The following C4orf51 variants were observed in gnomAD, a reference collection of about 807,000 sequenced individuals.
C4orf51 encodes the protein chromosome 4 open reading frame 51, also known as uncharacterized protein C4orf51.
In C4orf51, 25 loss-of-function variants were observed where a neutral mutation model predicts 25.2. The observed-to-expected ratio is 0.99, with a 90% CI of 0.72 to 1.39. C4orf51 has a LOEUF of 1.39. C4orf51 is among the 40% of genes most tolerant of loss of function. C4orf51 has a pLI of 0.00. For missense variants in C4orf51, 252 were observed against 239.6 expected (o/e 1.05, Z -0.34); for synonymous variants, 100 against 84.5 (o/e 1.18, Z -1.01).
In C4orf51 at chr4:145,683,014, T is replaced by TA. The variant is rs1560815653; in HGVS notation, c.233+2578_233+2579insA. On this transcript the variant is annotated intron_variant, in intron 1 of 5. Coordinates refer to ENST00000438731, the MANE Select transcript of C4orf51 (RefSeq NM_001080531.3). ...AAGAATCAGCAAAAATAAAAAAATT[T>TA]TAAAAAAAAATCCCGGAACTAATAA... 4.5e-3 allele frequency among the ~76,000 whole-genome samples: 687 copies of TA among 151,370 alleles called. 5 individuals carry two copies. The highest frequency in any genetic ancestry group is 0.015 in the African/African-American group (632 of 41,208).
chr4:145,752,989 C>T (rs1168523266), intron 1 of C4orf51, among the ~76,000 whole-genome samples: 4 of 152,132 alleles, frequency 2.6e-5, no homozygotes, highest in Non-Finnish European at 2.9e-5. Context: ...ACAGATCCTG[C>T]GTGCCACGTG....
chr4:145,762,320 C>T lies in C4orf51; in HGVS notation n.167-8668C>T, dbSNP rs1734647126. Among the ~76,000 whole-genome samples, 1 of 152,146 alleles carries T rather than the reference C, an allele frequency of 6.6e-6. No homozygotes were observed. ...GAAGGAAGCCCACCCAACGGCCCAT[C>T]TGCTAATGAGGAAGGGAGGAGGGAG... On this transcript the variant is annotated intron_variant and non_coding_transcript_variant, in intron 1 of 1. Transcript: ENST00000510096. The surrounding 1 kb of genome is among the most constrained non-coding windows in gnomAD (Gnocchi z 4.9).
intron 2 of C4orf51, among the ~76,000 whole-genome samples, chr4:145,703,491 C>T (rs1020490758): frequency 2.0e-5 from 3 of 152,204 alleles, no homozygotes; most frequent in Admixed American, 6.5e-5. Context: ...TCTCTTCACA[C>T]GGACGCGCAT....
At chr4:145,691,736 C>T (rs776180715) in intron 1 of C4orf51, among the ~76,000 whole-genome samples, 1 of 152,020 alleles carries the variant, frequency 6.6e-6, no homozygotes, top group African/African-American at 2.4e-5. Flanking sequence ...ACAGTGGGTA[C>T]ACATGGACAT....
At chr4:145,749,558 A>T (rs1733560205) in intron 1 of C4orf51, among the ~76,000 whole-genome samples, 1 of 150,200 alleles carries the variant, frequency 6.7e-6, no homozygotes, top group African/African-American at 2.5e-5. Flanking sequence ...CTTACTTTTT[A>T]TTTTTTGTGT....
At chr4:145,768,905 A>ATG (rs1735793210) in intron 1 of C4orf51, among the ~76,000 whole-genome samples, 1 of 34,486 alleles carries the variant, frequency 2.9e-5, no homozygotes, top group Non-Finnish European at 7.0e-5. Context: ...ATATATATAT[A>ATG]TATATATATA....
intron 5 of C4orf51, 121 bp downstream of exon 5, chr4:145,730,086 A>T: frequency 1.3e-6 from 1 of 775,592 alleles, no homozygotes; most frequent in Non-Finnish European, 2.2e-6. Context: ...GTTGGTATAA[A>T]AGTATTCCCT....
intron 2 of C4orf51, among the ~76,000 whole-genome samples, chr4:145,697,472 C>T (rs1344191199): frequency 4.6e-5 from 7 of 152,204 alleles, no homozygotes; most frequent in Admixed American, 4.6e-4. Context: ...CATACATATT[C>T]ATCTTATAAC....
rs200341019 is a variant in C4orf51, at chr4:145,743,427, T to C, written n.168-10780T>C. Among the ~76,000 whole-genome samples the C allele has an allele frequency of 9.2e-5, 14 of 152,284 alleles. No individual in the cohort carries two copies. The East Asian group carries it at 2.5e-3, about 27-fold the overall frequency. On this transcript the variant is annotated intron_variant and non_coding_transcript_variant, in intron 1 of 1. Coordinates refer to the C4orf51 transcript ENST00000508981. Reference sequence around the variant, plus strand: ...GAAGGGGAAGCGGGCTTAACTCATCTTTTTATGAAGATCCTGCTCCTGAGA... The same window carrying C: ...GAAGGGGAAGCGGGCTTAACTCATCCTTTTATGAAGATCCTGCTCCTGAGA...
In C4orf51 at chr4:145,762,090, G is replaced by A. The variant is rs1223378458; in HGVS notation, n.167-8898G>A. On this transcript the variant is annotated intron_variant and non_coding_transcript_variant, in intron 1 of 1. Coordinates refer to the C4orf51 transcript ENST00000510096. The surrounding 1 kb of genome is among the most constrained non-coding windows in gnomAD (Gnocchi z 4.9). ...AGGTTTTAAAGAACAGCTTATAGGGGGAGCGCTACCTCCAGCAAACAGAAA... is the reference window on the plus strand; with the variant it reads ...AGGTTTTAAAGAACAGCTTATAGGGAGAGCGCTACCTCCAGCAAACAGAAA... 6.6e-6 allele frequency among the ~76,000 whole-genome samples: 1 copy of A among 152,162 alleles called. No homozygotes were observed. Among genetic ancestry groups the A allele is most frequent in the East Asian group, 1.9e-4 (1 of 5,192 alleles).
intron 3 of C4orf51, among the ~76,000 whole-genome samples, chr4:145,728,045 TATAC>T (rs955078143): frequency 4.7e-5 from 6 of 127,604 alleles, no homozygotes; most frequent in African/African-American, 1.9e-4. Context: ...ATAATATATA[TATAC>T]ACACACACAC....
At position 145,761,278 on chromosome 4, in the gene C4orf51, G is replaced by A. The variant is rs1225525481; in HGVS notation, n.167-9710G>A. On this transcript the variant is annotated intron_variant and non_coding_transcript_variant, in intron 1 of 1. Transcript: ENST00000510096. This position sits in a 1 kb window ranked among gnomAD's most constrained non-coding sequence, Gnocchi z 6.8. ...CTCTTCGCAGCTGAAGGTCTGGCGT[G>A]GGGCGTGCTTCAGCTTCTTGTGCAG... is the stretch of plus-strand genomic sequence containing the variant. 7.8e-7 allele frequency: 1 copy of A among 1,289,922 alleles called. No homozygotes were observed. Among genetic ancestry groups the A allele is most frequent in the East Asian group, 5.5e-5 (1 of 18,026 alleles). The allele number at this position is 1,289,922 out of a possible 1,614,324, so 79.9% of individuals were successfully genotyped here. A position where few individuals can be genotyped will look rare whatever the true frequency, so the allele number is the denominator to read the frequency against.
chr4:145,753,140 T>TTGTG lies in C4orf51; in HGVS notation n.168-1031_168-1028dup, dbSNP rs57325282. Among the ~76,000 whole-genome samples, 757 of 145,852 alleles carry TTGTG rather than the reference T, an allele frequency of 5.2e-3. 8 individuals carry two copies. Among genetic ancestry groups the TTGTG allele is most frequent in the African/African-American group, 0.016 (623 of 38,876 alleles). ...CTGATTTTTGGTCTTTATGAAGGTT[T>TTGTG]TGTGTGTGTGTGTGTGTGTGTGTGT... On this transcript the variant is annotated intron_variant and non_coding_transcript_variant, in intron 1 of 1. Transcript: ENST00000508981.
At chr4:145,684,450 C>A (rs941547338) in intron 1 of C4orf51, among the ~76,000 whole-genome samples, 13 of 152,076 alleles carry the variant, frequency 8.5e-5, no homozygotes, top group African/African-American at 3.1e-4. Flanking sequence ...CCACTGCACT[C>A]CAGCCTGGGT....
At chr4:145,701,670 GC>G (rs1347021759) in intron 2 of C4orf51, among the ~76,000 whole-genome samples, 3 of 151,532 alleles carry the variant, frequency 2.0e-5, no homozygotes, top group African/African-American at 7.3e-5. Context: ...CAATACGGAG[GC>G]TACCCACTCC....
the C4orf51 span, among the ~76,000 whole-genome samples, chr4:145,791,278 G>T: frequency 0.4 from 61,060 of 152,012 alleles, 13,964 homozygotes; most frequent in Non-Finnish European, 0.54. Flanking sequence ...GAGGCAAGGG[G>T]TCTTTTATAA....
chr4:145,719,616 C>G (rs60439652), intron 2 of C4orf51, among the ~76,000 whole-genome samples: 2 of 141,378 alleles, frequency 1.4e-5, no homozygotes, highest in African/African-American at 2.6e-5. Context: ...AAAGCAGCAT[C>G]CTTTGAAAAA....
chr4:145,752,012 A>G (rs1311058971), intron 1 of C4orf51, among the ~76,000 whole-genome samples: 1 of 152,084 alleles, frequency 6.6e-6, no homozygotes, highest in Admixed American at 6.5e-5. Context: ...CTTGTGGTGA[A>G]TGCTGCCTGG....
chr4:145,760,749 CT>C, intron 1 of C4orf51: 1 of 696,024 alleles, frequency 1.4e-6, no homozygotes, highest in African/African-American at 2.2e-5. Context: ...TCTTTTGTCT[CT>C]CTGTTTTTGG....
Sources: allele counts gnomAD v4.1 joint callset (sites outside exome capture counted in the v4.1 genomes callset), GRCh38; gene constraint gnomAD v4.1.1; non-coding constraint Gnocchi (gnomAD v3.1); transcripts MANE v1.5; gene names NCBI Gene and HGNC (gene_info 2026-07-23, HGNC 2026-07-21).